The following RBFOX1 variants were observed in gnomAD, a reference collection of about 807,000 sequenced individuals.
The protein encoded by RBFOX1 is RNA binding protein fox-1 homolog 1.
In RBFOX1, 8 loss-of-function variants were observed where a neutral mutation model predicts 57.7. That is an observed-to-expected ratio of 0.14 (90% CI 0.08 to 0.25). The LOEUF is 0.25. Among genes scored for constraint, RBFOX1 ranks in the 10% least tolerant of loss-of-function variants. The probability of loss-of-function intolerance (pLI) is 1.00; values close to 1 mark genes in which losing one functional copy is unlikely to be tolerated. For missense variants in RBFOX1, 611 were observed against 548.5 expected (o/e 1.11, Z -1.14); for synonymous variants, 326 against 222.4 (o/e 1.47, Z -4.15).
At chr16:6,784,760 G>T (rs527331275) in intron 3 of RBFOX1, among the ~76,000 whole-genome samples, 1 of 152,052 alleles carries the variant, frequency 6.6e-6, no homozygotes, top group South Asian at 2.1e-4. Flanking sequence ...CCTGTGGTCG[G>T]GGGTTGTGGG....
chr16:5,643,387 T>C (rs1291093925), intron 3 of RBFOX1, among the ~76,000 whole-genome samples: 1 of 152,192 alleles, frequency 6.6e-6, no homozygotes, highest in East Asian at 1.9e-4. Flanking sequence ...CATTTCCTTC[T>C]TGATGCTTCA....
At chr16:7,506,522 G>T (rs1461305681) in intron 4 of RBFOX1, among the ~76,000 whole-genome samples, 1 of 152,222 alleles carries the variant, frequency 6.6e-6, no homozygotes, top group African/African-American at 2.4e-5. Flanking sequence ...TGCAAGAAAA[G>T]ATTTCTTTTC....
At chr16:7,598,375 G>A (rs1162031955) in intron 9 of RBFOX1, among the ~76,000 whole-genome samples, 1 of 151,942 alleles carries the variant, frequency 6.6e-6, no homozygotes, top group East Asian at 1.9e-4. Flanking sequence ...TTGTGAGACT[G>A]GCAAACATTT....
chr16:7,609,827 G>GTTTC (rs1424613574), intron 10 of RBFOX1, among the ~76,000 whole-genome samples: 1 of 151,278 alleles, frequency 6.6e-6, no homozygotes, highest in African/African-American at 2.4e-5. Context: ...TTGTTTGTTT[G>GTTTC]TTTGTTTTGA....
At chr16:6,665,626 C>CA (rs71406390) in intron 3 of RBFOX1, among the ~76,000 whole-genome samples, 8,885 of 101,206 alleles carry the variant, frequency 0.088, 338 homozygotes, top group African/African-American at 0.12. Context: ...ACTCCATCTC[C>CA]AAAAAAAAAA....
Position 5,821,290 on chromosome 16 carries a change from TTTTTTA to T in RBFOX1, c.319-46007_319-46002del, listed in dbSNP as rs1298003372. Reference sequence around the variant, plus strand: ...AAGTGGGCTGTCTGTCATTCTCTCTTTTTTTATTTTTTTTTTTTTTTTTGAGACGGA... The same window carrying T: ...AAGTGGGCTGTCTGTCATTCTCTCTTTTTTTTTTTTTTTTTTTGAGACGGA... On this transcript the variant is annotated intron_variant, in intron 3 of 19. Transcript: ENST00000641259. 6.1e-4 allele frequency among the ~76,000 whole-genome samples: 85 copies of T among 139,500 alleles called. 1 individual carries two copies. The highest frequency in any genetic ancestry group is 1.8e-3 in the Admixed American group (26 of 14,500). 91.5% of individuals were successfully genotyped at this position (139,500 alleles called of 152,430 possible). A position where few individuals can be genotyped will look rare whatever the true frequency, so the allele number is the denominator to read the frequency against.
At chr16:6,580,573 A>G (rs541609761) in intron 2 of RBFOX1, among the ~76,000 whole-genome samples, 1 of 131,358 alleles carries the variant, frequency 7.6e-6, no homozygotes, top group South Asian at 2.6e-4. Context: ...CAATTCTGCA[A>G]AACCAGAAAT....
intron 3 of RBFOX1, among the ~76,000 whole-genome samples, chr16:6,977,574 G>A (rs145288492): frequency 6.6e-6 from 1 of 152,108 alleles, no homozygotes; most frequent in East Asian, 1.9e-4. Flanking sequence ...ACACGTCTGT[G>A]GTTCCTAACT....
intron 4 of RBFOX1, among the ~76,000 whole-genome samples, chr16:7,236,477 T>G (rs1052284321): frequency 3.9e-5 from 6 of 152,272 alleles, no homozygotes; most frequent in African/African-American, 7.2e-5. Flanking sequence ...CTCTTTCTGC[T>G]CCATGGTTCC....
At chr16:6,659,684 G>A (rs541086837) in intron 3 of RBFOX1, among the ~76,000 whole-genome samples, 6 of 152,088 alleles carry the variant, frequency 3.9e-5, no homozygotes, top group Non-Finnish European at 8.8e-5. Flanking sequence ...TTCAATATGG[G>A]GCAGGCTTTC....
intron 4 of RBFOX1, among the ~76,000 whole-genome samples, chr16:7,058,315 C>T (rs1254517565): frequency 6.6e-6 from 1 of 152,152 alleles, no homozygotes. Context: ...GTAACACTTT[C>T]TAAGCTTTCT....
chr16:7,231,059 G>C (rs994867121), intron 4 of RBFOX1, among the ~76,000 whole-genome samples: 8 of 152,136 alleles, frequency 5.3e-5, no homozygotes, highest in Non-Finnish European at 8.8e-5. Flanking sequence ...TTTCCATTAA[G>C]TGGAGAGTAT....
At chr16:7,157,126 C>A (rs552751008) in intron 4 of RBFOX1, among the ~76,000 whole-genome samples, 2 of 152,248 alleles carry the variant, frequency 1.3e-5, no homozygotes, top group African/African-American at 2.4e-5. Context: ...AGAAAGCAAT[C>A]GTATTCTCAT....
intron 2 of RBFOX1, among the ~76,000 whole-genome samples, chr16:6,500,636 A>G (rs1216182706): frequency 6.6e-6 from 1 of 152,160 alleles, no homozygotes; most frequent in Non-Finnish European, 1.5e-5. Context: ...ATTGAAGTAC[A>G]TGGACTGTAA....
In RBFOX1 at chr16:5,914,916, C is replaced by CA. The variant is rs565941776; in HGVS notation, c.351+47590dup. ...TCTCAAAAACAAAACAAAACAAAAACAAAAAAAAAGAGAGTCTATGACAAA... is the reference window on the plus strand; with the variant it reads ...TCTCAAAAACAAAACAAAACAAAAACAAAAAAAAAAGAGAGTCTATGACAAA... On this transcript the variant is annotated intron_variant, in intron 4 of 19. Transcript: ENST00000641259. Among the ~76,000 whole-genome samples the CA allele has an allele frequency of 4.5e-4, 68 of 150,220 alleles. No homozygotes were observed. The South Asian group carries it at 5.5e-3, about 12-fold the overall frequency.
intron 3 of RBFOX1, among the ~76,000 whole-genome samples, chr16:7,006,907 C>A (rs1468825844): frequency 1.3e-5 from 2 of 152,204 alleles, no homozygotes; most frequent in African/African-American, 4.8e-5. Flanking sequence ...ATCACCTCCC[C>A]ATATGGACGC....
intron 3 of RBFOX1, among the ~76,000 whole-genome samples, chr16:6,924,287 C>T (rs923902686): frequency 1.3e-5 from 2 of 152,140 alleles, no homozygotes; most frequent in African/African-American, 2.4e-5. Context: ...GCTCCAGCAT[C>T]TGCTCTGCTT....
intron 4 of RBFOX1, among the ~76,000 whole-genome samples, chr16:7,432,858 T>C (rs17143679): frequency 0.012 from 1,760 of 152,300 alleles, 25 homozygotes; most frequent in African/African-American, 0.04. Flanking sequence ...TTTGCATTCA[T>C]GGTCATCTCT....
At chr16:6,318,838 G>A (rs114292775) in intron 2 of RBFOX1, among the ~76,000 whole-genome samples, 2,509 of 151,794 alleles carry the variant, frequency 0.017, 61 homozygotes, top group African/African-American at 0.055. Flanking sequence ...TAGAAAGGAA[G>A]CAATGGCAAG....
Sources: gnomAD v4.1 joint callset for allele counts (sites outside exome capture counted in the v4.1 genomes callset) on GRCh38, gnomAD v4.1.1 for gene constraint, MANE v1.5 for transcripts, NCBI Gene and HGNC (gene_info 2026-07-23, HGNC 2026-07-21) for gene names.